The following LRRC9 variants were observed in gnomAD, a reference collection of about 807,000 sequenced individuals.
The protein encoded by LRRC9 is leucine-rich repeat-containing protein 9.
In LRRC9, 122 loss-of-function variants were observed where a neutral mutation model predicts 63.2. The ratio of observed to expected loss-of-function variants is 1.93; its 90% confidence interval spans 1.67 to 2.24. The LOEUF is 2.24. Ranked by LOEUF, LRRC9 falls within the 30% of genes most tolerant of loss-of-function variation. The probability of loss-of-function intolerance (pLI) is 0.00; values close to 1 mark genes in which losing one functional copy is unlikely to be tolerated. For synonymous variants in LRRC9, 366 were observed against 213.1 expected (o/e 1.72, Z -6.25); for missense variants, 1,071 against 627.7 (o/e 1.71, Z -7.55).
At chr14:59,925,108 CAA>C (rs1190606333) in intron 1 of LRRC9, among the ~76,000 whole-genome samples, 3 of 152,050 alleles carry the variant, frequency 2.0e-5, no homozygotes, top group Non-Finnish European at 4.4e-5. Flanking sequence ...TGAATATTAA[CAA>C]AGAGTCAATG....
rs199568683 is a variant in LRRC9, at chr14:59,959,227, T to C, written c.883-591T>C. On this transcript the variant is annotated intron_variant, in intron 8 of 31. Coordinates refer to ENST00000445360, the Ensembl canonical transcript of LRRC9. ...AACATTTTTAAAATATCCAAATTAA[T>C]GCAAAAAGTTCATTATGATAAATTT... 3.9e-5 allele frequency among the ~76,000 whole-genome samples: 6 copies of C among 152,246 alleles called. No homozygotes were observed. The East Asian group carries it at 1.2e-3, about 29-fold the overall frequency.
At position 59,997,751 on chromosome 14, in the gene LRRC9, G is replaced by A; in HGVS notation, c.2307G>A (p.Trp769Ter). 1.4e-6 allele frequency: 1 copy of A among 702,432 alleles called. No homozygotes were observed. Among genetic ancestry groups the A allele is most frequent in the Admixed American group, 2.0e-5 (1 of 49,976 alleles). 43.5% of individuals were successfully genotyped at this position (702,432 alleles called of 1,614,324 possible). ...AACTGAAGCACTTAGACTTGAGCTGGAATCAACTGAAAAAATCTGGCAATG... is the reference window on the plus strand; with the variant it reads ...AACTGAAGCACTTAGACTTGAGCTGAAATCAACTGAAAAAATCTGGCAATG... Residue 769 changes from tryptophan to a stop codon, truncating the protein, a stop_gained, in exon 18 of 32, where the codon TGG (tryptophan) becomes TGA (stop). Transcript: ENST00000445360. LOFTEE classifies it high-confidence loss of function.
At chr14:59,944,427 C>T (rs1000684100) in intron 7 of LRRC9, among the ~76,000 whole-genome samples, 162 bp from the exon 8 acceptor site, 1 of 151,796 alleles carries the variant, frequency 6.6e-6, no homozygotes, top group Non-Finnish European at 1.5e-5. Context: ...AAATATAGAA[C>T]TCTGTGTAGC....
Position 59,938,922 on chromosome 14 carries a change from T to TGC in LRRC9, c.726+350_726+351insGC, listed in dbSNP as rs1566790138. Among the ~76,000 whole-genome samples, 11 of 134,366 alleles carry TGC rather than the reference T, an allele frequency of 8.2e-5. No homozygotes were observed. The East Asian group carries it at 1.1e-3, about 13-fold the overall frequency. 88.1% of individuals were successfully genotyped at this position (134,366 alleles called of 152,430 possible). ...ATATATACATATATACACATATGCA[T>TGC]ATATATACACATATATACATATACA... On this transcript the variant is annotated intron_variant, in intron 7 of 31. Transcript: ENST00000445360. The surrounding 1 kb of genome is among the most constrained non-coding windows in gnomAD (Gnocchi z 4.2).
At chr14:60,015,973 G>A (rs1250934412) in intron 23 of LRRC9, among the ~76,000 whole-genome samples, 1 of 152,152 alleles carries the variant, frequency 6.6e-6, no homozygotes, top group African/African-American at 2.4e-5. Flanking sequence ...GTTTTCTGCT[G>A]TGCTAGGCTT....
intron 29 of LRRC9, among the ~76,000 whole-genome samples, chr14:60,046,654 C>T (rs576858704): frequency 9.9e-5 from 15 of 152,274 alleles, no homozygotes; most frequent in African/African-American, 2.6e-4. Flanking sequence ...GTACCACTAC[C>T]GTGCTGTTTA....
At chr14:60,045,385 C>T (rs563328963) in intron 29 of LRRC9, among the ~76,000 whole-genome samples, 3 of 152,108 alleles carry the variant, frequency 2.0e-5, no homozygotes, top group Non-Finnish European at 2.9e-5. Context: ...AGGTATTAAG[C>T]CAAGCATCTA....
rs1259036017 is a variant in LRRC9, at chr14:59,928,036, T to C, written c.48+45T>C. Reference sequence around the variant, plus strand: ...CTTTTAAATAACATTTGCAGTAATATAAAATGGAAAGTTTTTATGCTCCTT... The same window carrying C: ...CTTTTAAATAACATTTGCAGTAATACAAAATGGAAAGTTTTTATGCTCCTT... On this transcript the variant is annotated intron_variant, in intron 2 of 31. Coordinates refer to ENST00000445360, the Ensembl canonical transcript of LRRC9. 2.2e-5 allele frequency: 15 copies of C among 667,306 alleles called. No individual in the cohort carries two copies. The East Asian group carries it at 3.8e-4, about 17-fold the overall frequency. The allele number at this position is 667,306 out of a possible 1,614,324, so 41.3% of individuals were successfully genotyped here.
At position 59,975,104 on chromosome 14, in the gene LRRC9, T is replaced by C. The variant is rs1886032147; in HGVS notation, c.1639+396T>C. On this transcript the variant is annotated intron_variant, in intron 13 of 31. Transcript: ENST00000445360. ...TGTGTGTAGTGTATATATATATACA[T>C]ATATATATGTATATATATATATGTA... Among the ~76,000 whole-genome samples the C allele has an allele frequency of 3.4e-4, 5 of 14,600 alleles. 2 individuals carry two copies. The highest frequency in any genetic ancestry group is 7.7e-4 in the African/African-American group (5 of 6,518). The allele number at this position is 14,600 out of a possible 152,430, so 9.6% of individuals were successfully genotyped here. A position where few individuals can be genotyped will look rare whatever the true frequency, so the allele number is the denominator to read the frequency against.
At chr14:60,023,880 A>G (rs1409699552) in intron 27 of LRRC9, among the ~76,000 whole-genome samples, 1 of 152,030 alleles carries the variant, frequency 6.6e-6, no homozygotes, top group African/African-American at 2.4e-5. Flanking sequence ...CCCACTTATG[A>G]GTGAGAACAT....
At chr14:59,945,665 T>G (rs1882292168) in intron 8 of LRRC9, among the ~76,000 whole-genome samples, 1 of 151,886 alleles carries the variant, frequency 6.6e-6, no homozygotes, top group African/African-American at 2.4e-5. Context: ...AATGAAAATC[T>G]GAAAAAATGT....
At position 60,058,674 on chromosome 14, in the gene LRRC9, CCTT is replaced by C. The variant is rs2140462562; in HGVS notation, c.4276+655_4276+657del. ...TTTGGCAAAACTGGGGGTAAGTACTCCTTCTCTGAGGGCTCACCTCTTCCAGTC... is the reference window on the plus strand; with the variant it reads ...TTTGGCAAAACTGGGGGTAAGTACTCCTCTGAGGGCTCACCTCTTCCAGTC... On this transcript the variant is annotated intron_variant, in intron 31 of 31. Transcript: ENST00000445360. This position sits in a 1 kb window ranked among gnomAD's most constrained non-coding sequence, Gnocchi z 4.4. Among the ~76,000 whole-genome samples the C allele has an allele frequency of 6.6e-6, 1 of 152,220 alleles. No homozygotes were observed. The highest frequency in any genetic ancestry group is 1.5e-5 in the Non-Finnish European group (1 of 67,994).
intron 26 of LRRC9, among the ~76,000 whole-genome samples, chr14:60,020,305 G>A (rs1016982428): frequency 6.6e-6 from 1 of 151,626 alleles, no homozygotes; most frequent in Non-Finnish European, 1.5e-5. Context: ...TTTTATTGCC[G>A]AATAGTATTC....
intron 29 of LRRC9, among the ~76,000 whole-genome samples, chr14:60,048,943 G>A (rs542581866): frequency 2.0e-5 from 3 of 152,290 alleles, no homozygotes; most frequent in East Asian, 3.9e-4. Flanking sequence ...CCATGATCAA[G>A]TTGGCTTCAT....
chr14:59,995,866 C>T (rs754444584), intron 17 of LRRC9, among the ~76,000 whole-genome samples: 61 of 152,252 alleles, frequency 4.0e-4, no homozygotes, highest in Non-Finnish European at 5.1e-4. Flanking sequence ...CCTCAGCCTC[C>T]GGAGTATCTG....
intron 14 of LRRC9, 99 bp from the exon 15 acceptor site, chr14:59,977,918 C>A: frequency 3.7e-6 from 2 of 536,894 alleles, no homozygotes; most frequent in Non-Finnish European, 6.7e-6. Context: ...ACTGTTGCAA[C>A]TTATTGAGTT....
chr14:60,037,210 G>C (rs1892516882), intron 29 of LRRC9, among the ~76,000 whole-genome samples: 1 of 152,266 alleles, frequency 6.6e-6, no homozygotes, highest in African/African-American at 2.4e-5. Context: ...ATTGTGAATA[G>C]TGCCACAATA....
intron 10 of LRRC9, among the ~76,000 whole-genome samples, chr14:59,961,711 T>C (rs1467372947): frequency 6.6e-6 from 1 of 152,118 alleles, no homozygotes; most frequent in East Asian, 1.9e-4. Flanking sequence ...GGCCTACTAG[T>C]AGATACTAGG....
At position 60,053,916 on chromosome 14, in the gene LRRC9, A is replaced by C. The variant is rs2140441305; in HGVS notation, c.4131+711A>C. 2.2e-6 allele frequency: 1 copy of C among 455,770 alleles called. No homozygotes were observed. The highest frequency in any genetic ancestry group is 6.9e-5 in the East Asian group (1 of 14,398). The allele number at this position is 455,770 out of a possible 1,614,324, so 28.2% of individuals were successfully genotyped here. On this transcript the variant is annotated intron_variant, in intron 30 of 31. Coordinates refer to ENST00000445360, the Ensembl canonical transcript of LRRC9. The surrounding 1 kb of genome is among the most constrained non-coding windows in gnomAD (Gnocchi z 4.8). Reference sequence around the variant, plus strand: ...GAATGCTGTGGTTTGAGAAAAAAAGAGGCTGGAGGGAGAAGGGAAACCAGC... The same window carrying C: ...GAATGCTGTGGTTTGAGAAAAAAAGCGGCTGGAGGGAGAAGGGAAACCAGC...
Sources: gnomAD v4.1 joint callset for allele counts (sites outside exome capture counted in the v4.1 genomes callset) on GRCh38, gnomAD v4.1.1 for gene constraint, Gnocchi (gnomAD v3.1) non-coding constraint, MANE v1.5 for transcripts, NCBI Gene and HGNC (gene_info 2026-07-23, HGNC 2026-07-21) for gene names.